The following FNIP1 variants were observed in gnomAD, a reference collection of about 807,000 sequenced individuals.
FNIP1 encodes folliculin-interacting protein 1.
Under a neutral mutation model 124.5 loss-of-function variants are expected in FNIP1, and 40 were observed. That is an observed-to-expected ratio of 0.32 (90% CI 0.25 to 0.42). FNIP1 has a LOEUF of 0.42. Among genes scored for constraint, FNIP1 ranks in the 10% least tolerant of loss-of-function variants. The probability of loss-of-function intolerance (pLI) is 1.00; values close to 1 mark genes in which losing one functional copy is unlikely to be tolerated. For synonymous variants in FNIP1, 472 were observed against 470.6 expected (o/e 1.00, Z -0.04); for missense variants, 1,176 against 1,403.7 (o/e 0.84, Z 2.59).
chr5:131,694,954 A>C (rs1171418236), intron 11 of FNIP1, among the ~76,000 whole-genome samples: 1 of 151,906 alleles, frequency 6.6e-6, no homozygotes, highest in African/African-American at 2.4e-5. Context: ...AAAATATAAA[A>C]ATTGGCTGGG....
chr5:131,719,627 CT>C (rs1327546175), intron 3 of FNIP1, among the ~76,000 whole-genome samples: 4 of 152,052 alleles, frequency 2.6e-5, no homozygotes, highest in Non-Finnish European at 5.9e-5. Context: ...TGACTAATTC[CT>C]TTTAAGAGCT....
intron 15 of FNIP1, among the ~76,000 whole-genome samples, chr5:131,655,856 T>C (rs1473036566): frequency 6.6e-6 from 1 of 151,366 alleles, no homozygotes; most frequent in African/African-American, 2.4e-5. Context: ...AGGTGGAGCT[T>C]GCAGTGAACC....
chr5:131,698,907 C>A lies in FNIP1; in HGVS notation c.1202+10G>T. On this transcript the variant is annotated intron_variant, in intron 11 of 17. Transcript: ENST00000510461. The stretch of plus-strand genomic sequence containing the variant: ...AATTACTGCATTATGGAAAGCTGGG[C>A]AATATGTACCTGAATTCATTTAGGG... The A allele has an allele frequency of 6.3e-7, 1 of 1,595,800 alleles. No individual in the cohort carries two copies. Among genetic ancestry groups the A allele is most frequent in the Non-Finnish European group, 8.5e-7 (1 of 1,172,890 alleles).
At chr5:131,722,929 C>T (rs961288401) in intron 3 of FNIP1, among the ~76,000 whole-genome samples, 1 of 152,170 alleles carries the variant, frequency 6.6e-6, no homozygotes, top group African/African-American at 2.4e-5. Context: ...CGTGATCCAC[C>T]TACCTTGGCC....
At chr5:131,796,774 G>A in intron 1 of FNIP1, 56 bp downstream of exon 1, 1 of 1,503,882 alleles carries the variant, frequency 6.6e-7, no homozygotes, top group Middle Eastern at 2.2e-4. Context: ...AACACCCCTG[G>A]AGCCCGGAGC....
chr5:131,762,184 A>T (rs754173399), intron 1 of FNIP1, among the ~76,000 whole-genome samples: 1 of 152,190 alleles, frequency 6.6e-6, no homozygotes, highest in Non-Finnish European at 1.5e-5. Context: ...ACTCTCCAGG[A>T]TATTGAACTA....
chr5:131,760,731 AC>A (rs1453039974), intron 1 of FNIP1, among the ~76,000 whole-genome samples: 1 of 152,124 alleles, frequency 6.6e-6, no homozygotes, highest in Non-Finnish European at 1.5e-5. Flanking sequence ...ATTCTGAGAA[AC>A]CATTAACATC....
At chr5:131,668,270 A>T (rs1767657698) in intron 15 of FNIP1, among the ~76,000 whole-genome samples, 1 of 152,260 alleles carries the variant, frequency 6.6e-6, no homozygotes, top group African/African-American at 2.4e-5. Flanking sequence ...AACTTTTGAG[A>T]ATTCCATAAA....
At chr5:131,736,418 T>A (rs1449901028) in intron 2 of FNIP1, among the ~76,000 whole-genome samples, 3 of 152,218 alleles carry the variant, frequency 2.0e-5, no homozygotes, top group Non-Finnish European at 4.4e-5. Context: ...TTGGCTTGAC[T>A]TATCCACTAT....
chr5:131,644,659 C>T lies in FNIP1; in HGVS notation c.*26G>A, dbSNP rs1382466031. The T allele has an allele frequency of 6.2e-7, 1 of 1,602,136 alleles. No individual in the cohort carries two copies. Among genetic ancestry groups the T allele is most frequent in the Non-Finnish European group, 8.5e-7 (1 of 1,169,904 alleles). ...TCCTTGGTTTCTACCTATTTTCCCA[C>T]CAATTTCTAACAATTTTTAGGTATA... On this transcript the variant is annotated 3_prime_UTR_variant, in exon 18 of 18. Transcript: ENST00000510461.
chr5:131,733,183 T>G (rs1187163186), intron 2 of FNIP1, among the ~76,000 whole-genome samples: 1 of 152,226 alleles, frequency 6.6e-6, no homozygotes, highest in Non-Finnish European at 1.5e-5. Flanking sequence ...TGATTTTGTA[T>G]CCTGAGACTT....
At chr5:131,685,123 TGGC>T (rs1487875197) in intron 11 of FNIP1, among the ~76,000 whole-genome samples, 15 of 152,320 alleles carry the variant, frequency 9.8e-5, no homozygotes, top group African/African-American at 3.4e-4. Context: ...CAAGGCACGG[TGGC>T]TCATGCCTGT....
At chr5:131,784,412 T>C (rs933360383) in intron 1 of FNIP1, among the ~76,000 whole-genome samples, 1 of 152,246 alleles carries the variant, frequency 6.6e-6, no homozygotes, top group Non-Finnish European at 1.5e-5. Flanking sequence ...AATTCTAATA[T>C]TGAAAGAATG....
intron 16 of FNIP1, among the ~76,000 whole-genome samples, chr5:131,648,237 C>T (rs1470944979): frequency 2.8e-5 from 4 of 145,444 alleles, no homozygotes; most frequent in Non-Finnish European, 4.5e-5. Flanking sequence ...GTCTTAGCTA[C>T]TTGAGCCCAG....
chr5:131,767,592 C>T (rs1771481357), intron 1 of FNIP1, among the ~76,000 whole-genome samples: 2 of 151,884 alleles, frequency 1.3e-5, no homozygotes, highest in Non-Finnish European at 2.9e-5. Flanking sequence ...CACAAATTAA[C>T]CTAAATACCA....
At chr5:131,688,068 T>C (rs1768342920) in intron 11 of FNIP1, among the ~76,000 whole-genome samples, 1 of 151,530 alleles carries the variant, frequency 6.6e-6, no homozygotes, top group South Asian at 2.1e-4. Context: ...GGCTAAGAAA[T>C]ACTTCCAAAG....
chr5:131,778,149 G>T, intron 1 of FNIP1, among the ~76,000 whole-genome samples: 1 of 151,896 alleles, frequency 6.6e-6, no homozygotes, highest in Admixed American at 6.6e-5. Context: ...GCTTGAGCCT[G>T]GGAGTTCAAG....
At position 131,704,106 on chromosome 5, in the gene FNIP1, A is replaced by T; in HGVS notation, c.1075T>A (p.Phe359Ile). The T allele has an allele frequency of 6.2e-7, 1 of 1,612,632 alleles. No individual in the cohort carries two copies. Among genetic ancestry groups the T allele is most frequent in the South Asian group, 1.1e-5 (1 of 91,026 alleles). Residue 359 changes from phenylalanine (F) to isoleucine (I), a missense_variant, in exon 10 of 18, where the codon TTT becomes ATT. This residue lies in a region of FNIP1 where 1,109 missense variants were observed against 1,288.5 expected (regional missense o/e 0.86). Coordinates refer to ENST00000510461, the MANE Select transcript of FNIP1 (RefSeq NM_133372.3). ...NEFFFSHFPL[F>I]ESHMNKLKSA... ...TTTAATTTGTTCATGTGGCTTTCAA[A>T]GAGAGGAAAATGTGAAAAAAAGAAT... is the stretch of plus-strand genomic sequence containing the variant.
intron 1 of FNIP1, among the ~76,000 whole-genome samples, chr5:131,758,323 A>G (rs1771114609): frequency 6.6e-6 from 1 of 152,046 alleles, no homozygotes; most frequent in South Asian, 2.1e-4. Context: ...CTGTAGCCCT[A>G]CTCTGTCTTC....
Sources: gnomAD v4.1 joint callset for allele counts (sites outside exome capture counted in the v4.1 genomes callset) on GRCh38, gnomAD v4.1.1 for gene constraint, gnomAD v4.1.1 regional missense constraint, MANE v1.5 for transcripts, NCBI Gene and HGNC (gene_info 2026-07-23, HGNC 2026-07-21) for gene names.